GPC5: variants seen among roughly 807,000 people sequenced by gnomAD.
GPC5 encodes glypican 5, also known as glypican-5.
Under a neutral mutation model 53.9 loss-of-function variants are expected in GPC5, and 47 were observed. The observed-to-expected ratio is 0.87, with a 90% CI of 0.69 to 1.11. GPC5 has a LOEUF of 1.11. Among genes scored for constraint, GPC5 ranks in the 50% most tolerant of loss-of-function variants. GPC5 has a pLI of 0.00. For synonymous variants in GPC5, 286 were observed against 263.3 expected (o/e 1.09, Z -0.84); for missense variants, 748 against 713.1 (o/e 1.05, Z -0.56).
At chr13:92,529,943 GC>G (rs1272125405) in intron 7 of GPC5, among the ~76,000 whole-genome samples, 1 of 152,042 alleles carries the variant, frequency 6.6e-6, no homozygotes, top group East Asian at 1.9e-4. Context: ...AATTAGCCCA[GC>G]GTGGTAGTGC....
chr13:92,172,128 A>C (rs2139023102), intron 7 of GPC5, among the ~76,000 whole-genome samples: 1 of 152,348 alleles, frequency 6.6e-6, no homozygotes, highest in African/African-American at 2.4e-5. Flanking sequence ...TAAATGAATA[A>C]AAGAATGAAC....
intron 5 of GPC5, among the ~76,000 whole-genome samples, chr13:91,811,502 C>G (rs373537747): frequency 1.3e-4 from 20 of 151,978 alleles, no homozygotes; most frequent in Non-Finnish European, 2.6e-4. Context: ...AATGGAAGAA[C>G]CTATAAGCTC....
intron 6 of GPC5, among the ~76,000 whole-genome samples, chr13:92,020,060 C>G (rs1210168211): frequency 2.0e-5 from 3 of 151,972 alleles, no homozygotes; most frequent in Non-Finnish European, 2.9e-5. Context: ...TTCTAGAGAC[C>G]ACTCATATTC....
intron 7 of GPC5, among the ~76,000 whole-genome samples, chr13:92,659,739 G>T (rs1357550665): frequency 6.6e-6 from 1 of 152,304 alleles, no homozygotes; most frequent in South Asian, 2.1e-4. Context: ...TGGAAGGAAT[G>T]AATGTCCTTC....
chr13:92,154,028 C>G (rs905869668), intron 7 of GPC5, among the ~76,000 whole-genome samples: 3 of 152,182 alleles, frequency 2.0e-5, no homozygotes, highest in African/African-American at 7.2e-5. Context: ...GCTCAAGTTT[C>G]TGCAGGCTGT....
chr13:91,980,331 C>T (rs1490841932), intron 6 of GPC5, among the ~76,000 whole-genome samples: 1 of 151,998 alleles, frequency 6.6e-6, no homozygotes. Flanking sequence ...GATCTATTCC[C>T]CACAGTAATT....
chr13:92,054,252 A>G (rs1199505559), intron 6 of GPC5, among the ~76,000 whole-genome samples: 1 of 151,784 alleles, frequency 6.6e-6, no homozygotes, highest in Non-Finnish European at 1.5e-5. Flanking sequence ...ATAAACAGAG[A>G]TACAGGACAA....
intron 7 of GPC5, among the ~76,000 whole-genome samples, chr13:92,632,839 G>A (rs928803915): frequency 5.3e-5 from 8 of 151,996 alleles, no homozygotes; most frequent in South Asian, 2.1e-4. Flanking sequence ...TTGCATGGAT[G>A]GCAGCAAGCA....
chr13:92,454,729 G>T (rs920726912), intron 7 of GPC5, among the ~76,000 whole-genome samples: 1 of 152,078 alleles, frequency 6.6e-6, no homozygotes, highest in Non-Finnish European at 1.5e-5. Context: ...TGTCCTCACC[G>T]ATGATGAAAA....
At chr13:92,628,312 G>C (rs1885123497) in intron 7 of GPC5, among the ~76,000 whole-genome samples, 1 of 77,706 alleles carries the variant, frequency 1.3e-5, no homozygotes, top group African/African-American at 5.0e-5. Flanking sequence ...GTCTCGCTCT[G>C]TCACCCAGGC....
chr13:92,199,928 T>C (rs2139058838), intron 7 of GPC5, among the ~76,000 whole-genome samples: 1 of 152,300 alleles, frequency 6.6e-6, no homozygotes, highest in South Asian at 2.1e-4. Context: ...GCAATATACA[T>C]TTTTTAAAAT....
At position 92,559,930 on chromosome 13, in the gene GPC5, G is replaced by T. The variant is rs192851547; in HGVS notation, c.1562-306352G>T. 1.4e-4 allele frequency among the ~76,000 whole-genome samples: 21 copies of T among 150,862 alleles called. No homozygotes were observed. The East Asian group carries it at 4.3e-3, about 31-fold the overall frequency. ...AAAACTCCCTGTCCCCTCTCTTCAG[G>T]CACCCAAGAGTTCAGCATTAATTTC... is the stretch of plus-strand genomic sequence containing the variant. On this transcript the variant is annotated intron_variant, in intron 7 of 7. Coordinates refer to ENST00000377067, the MANE Select transcript of GPC5 (RefSeq NM_004466.6).
At chr13:92,349,262 G>A (rs2043454527) in intron 7 of GPC5, among the ~76,000 whole-genome samples, 1 of 152,002 alleles carries the variant, frequency 6.6e-6, no homozygotes, top group Non-Finnish European at 1.5e-5. Flanking sequence ...TCCTATCTCA[G>A]CCTCCCAAGT....
At chr13:91,508,383 G>A (rs987757279) in intron 2 of GPC5, among the ~76,000 whole-genome samples, 4 of 152,272 alleles carry the variant, frequency 2.6e-5, no homozygotes, top group South Asian at 2.1e-4. Flanking sequence ...ATTGTTAGAC[G>A]AATAGTGGCA....
intron 7 of GPC5, among the ~76,000 whole-genome samples, chr13:92,159,051 G>C (rs1186930755): frequency 6.6e-6 from 1 of 152,162 alleles, no homozygotes; most frequent in East Asian, 1.9e-4. Flanking sequence ...CCAGAAGACT[G>C]TTATAGCTAC....
intron 7 of GPC5, among the ~76,000 whole-genome samples, chr13:92,166,954 TCTCACACACACACACACACACACA>T (rs1388868762): frequency 2.2e-5 from 1 of 44,616 alleles, no homozygotes; most frequent in Non-Finnish European, 5.2e-5. Flanking sequence ...TCTCTCTCTC[TCTCACACACACACACACACACACA>T]CACACACACA....
At chr13:92,553,785 T>G (rs1017557507) in intron 7 of GPC5, among the ~76,000 whole-genome samples, 1 of 151,918 alleles carries the variant, frequency 6.6e-6, no homozygotes, top group African/African-American at 2.4e-5. Flanking sequence ...ATGGAAAAAT[T>G]TATGTGGGTC....
chr13:91,964,946 A>G (rs1234702075), intron 6 of GPC5, among the ~76,000 whole-genome samples: 1 of 152,116 alleles, frequency 6.6e-6, no homozygotes, highest in Non-Finnish European at 1.5e-5. Context: ...ACATGGATGA[A>G]GCTGGAAACC....
At chr13:92,539,005 A>G (rs1438158018) in intron 7 of GPC5, among the ~76,000 whole-genome samples, 5 of 133,846 alleles carry the variant, frequency 3.7e-5, no homozygotes, top group Non-Finnish European at 7.8e-5. Context: ...TATACTTTAT[A>G]TATTTTATAT....
Sources: gnomAD v4.1 joint callset for allele counts (sites outside exome capture counted in the v4.1 genomes callset) on GRCh38, gnomAD v4.1.1 for gene constraint, MANE v1.5 for transcripts, NCBI Gene and HGNC (gene_info 2026-07-23, HGNC 2026-07-21) for gene names.